The following EPHA5 variants were observed in gnomAD, a reference collection of about 807,000 sequenced individuals.
EPHA5 encodes EPH receptor A5, also known as ephrin type-A receptor 5.
EPHA5 carries 60 observed loss-of-function variants against 105.0 expected under a neutral mutation model. That is an observed-to-expected ratio of 0.57 (90% CI 0.46 to 0.71). EPHA5 has a LOEUF of 0.71. EPHA5 is among the 30% of genes least tolerant of loss of function. The pLI, the probability that EPHA5 is intolerant of heterozygous loss-of-function variation, is 0.00. For synonymous variants in EPHA5, 513 were observed against 449.1 expected (o/e 1.14, Z -1.80); for missense variants, 1,218 against 1,274.7 (o/e 0.96, Z 0.68).
intron 11 of EPHA5, among the ~76,000 whole-genome samples, chr4:65,356,665 G>T (rs1437869351): frequency 2.0e-5 from 3 of 151,414 alleles, no homozygotes; most frequent in Non-Finnish European, 4.4e-5. Flanking sequence ...ACATGATGGG[G>T]GAAAAGCAAT....
chr4:65,667,881 G>A (rs1750087132), intron 1 of EPHA5, among the ~76,000 whole-genome samples: 1 of 152,144 alleles, frequency 6.6e-6, no homozygotes, highest in Non-Finnish European at 1.5e-5. Flanking sequence ...AAACGAGGAT[G>A]CCCCTTTCGG....
At chr4:65,349,199 G>A (rs779142306) in intron 13 of EPHA5, among the ~76,000 whole-genome samples, 24 of 151,956 alleles carry the variant, frequency 1.6e-4, no homozygotes, top group Non-Finnish European at 2.9e-4. Context: ...CTTTTCCTCT[G>A]TTGTCTTATT....
chr4:65,451,018 A>G (rs73222130), intron 5 of EPHA5, among the ~76,000 whole-genome samples: 10,193 of 151,816 alleles, frequency 0.067, 1,158 homozygotes, highest in African/African-American at 0.23. Flanking sequence ...CTTGAACAGG[A>G]AAACCTTATT....
At position 65,565,483 on chromosome 4, in the gene EPHA5, T is replaced by C. The variant is rs1560704554; in HGVS notation, c.910+36158A>G. On this transcript the variant is annotated intron_variant, in intron 3 of 16. Coordinates refer to ENST00000613740, the MANE Select transcript of EPHA5 (RefSeq NM_001281766.3). ...TTTAATAAGAGATTTCCAATAAGGC[T>C]TAAAGTAATTTTTATTTTGCTTGTA... Among the ~76,000 whole-genome samples, 7 of 151,746 alleles carry C rather than the reference T, an allele frequency of 4.6e-5. No homozygotes were observed. The South Asian group carries it at 1.2e-3, about 27-fold the overall frequency.
At chr4:65,593,914 A>G (rs193223279) in intron 3 of EPHA5, among the ~76,000 whole-genome samples, 41 of 152,292 alleles carry the variant, frequency 2.7e-4, no homozygotes, top group African/African-American at 9.9e-4. Context: ...ATTCGCATTC[A>G]TATTTTGAAC....
intron 3 of EPHA5, among the ~76,000 whole-genome samples, chr4:65,556,419 T>C (rs1738447880): frequency 6.6e-6 from 1 of 152,122 alleles, no homozygotes; most frequent in African/African-American, 2.4e-5. Context: ...GTATATAATT[T>C]TTCCTCTCCA....
intron 8 of EPHA5, among the ~76,000 whole-genome samples, chr4:65,380,782 T>A (rs1719482826): frequency 6.6e-6 from 1 of 151,830 alleles, no homozygotes; most frequent in Non-Finnish European, 1.5e-5. Flanking sequence ...GAGCTAGTGT[T>A]CTTATGTGTG....
chr4:65,410,276 C>T (rs941509292), intron 7 of EPHA5, among the ~76,000 whole-genome samples: 2 of 152,120 alleles, frequency 1.3e-5, no homozygotes, highest in Non-Finnish European at 2.9e-5. Context: ...GATCAATCTG[C>T]AGGGAATCAT....
chr4:65,646,113 C>T (rs1299087758), intron 1 of EPHA5, among the ~76,000 whole-genome samples: 3 of 152,078 alleles, frequency 2.0e-5, no homozygotes, highest in Non-Finnish European at 2.9e-5. Context: ...GAATTGCTAA[C>T]GTTTCCTTTG....
chr4:65,560,169 A>G (rs116934396), intron 3 of EPHA5, among the ~76,000 whole-genome samples: 6 of 152,058 alleles, frequency 3.9e-5, no homozygotes, highest in Non-Finnish European at 7.4e-5. Flanking sequence ...TCCAGCAATT[A>G]CTCCCCAACA....
At chr4:65,395,501 A>G (rs1282699186) in intron 8 of EPHA5, among the ~76,000 whole-genome samples, 1 of 152,202 alleles carries the variant, frequency 6.6e-6, no homozygotes, top group Non-Finnish European at 1.5e-5. Flanking sequence ...AAACAATAAA[A>G]CCTACCGTTT....
chr4:65,564,388 A>T (rs1399690124), intron 3 of EPHA5, among the ~76,000 whole-genome samples: 1 of 151,878 alleles, frequency 6.6e-6, no homozygotes, highest in African/African-American at 2.4e-5. Flanking sequence ...ATATTACATT[A>T]GGAGATTGTC....
chr4:65,372,703 T>G (rs944001882), intron 8 of EPHA5, among the ~76,000 whole-genome samples: 12 of 151,884 alleles, frequency 7.9e-5, no homozygotes, highest in Non-Finnish European at 1.5e-5. Context: ...ATCTCACATT[T>G]GATCAAGGGT....
At chr4:65,513,730 T>C (rs935159866) in intron 3 of EPHA5, among the ~76,000 whole-genome samples, 4 of 152,188 alleles carry the variant, frequency 2.6e-5, no homozygotes, top group Admixed American at 6.5e-5. Flanking sequence ...TTTTTTTGTG[T>C]TTTTAAAGTC....
At chr4:65,533,331 C>A (rs1371116268) in intron 3 of EPHA5, among the ~76,000 whole-genome samples, 1 of 151,880 alleles carries the variant, frequency 6.6e-6, no homozygotes, top group South Asian at 2.1e-4. Context: ...TTTATAAAAC[C>A]ATTTTTTTGT....
chr4:65,364,282 A>G (rs938481033), intron 11 of EPHA5, among the ~76,000 whole-genome samples: 3 of 151,680 alleles, frequency 2.0e-5, no homozygotes, highest in African/African-American at 7.2e-5. Context: ...GGAAGGAATC[A>G]GAACACATAG....
chr4:65,325,664 CATT>C (rs1378383768), intron 16 of EPHA5, among the ~76,000 whole-genome samples: 1 of 151,206 alleles, frequency 6.6e-6, no homozygotes, highest in Non-Finnish European at 1.5e-5. Context: ...GAAACAAAAT[CATT>C]ATTATTAATA....
intron 2 of EPHA5, among the ~76,000 whole-genome samples, chr4:65,639,032 A>G (rs948118416): frequency 2.6e-5 from 4 of 152,258 alleles, no homozygotes; most frequent in African/African-American, 9.6e-5. Context: ...TGTGTTTATT[A>G]TTAAAACATG....
intron 3 of EPHA5, among the ~76,000 whole-genome samples, chr4:65,562,543 T>G (rs1325939125): frequency 6.6e-6 from 1 of 152,072 alleles, no homozygotes; most frequent in Non-Finnish European, 1.5e-5. Flanking sequence ...GCAGTTCATA[T>G]AAAAATTCAT....
Sources: gnomAD v4.1 joint callset for allele counts (sites outside exome capture counted in the v4.1 genomes callset) on GRCh38, gnomAD v4.1.1 for gene constraint, MANE v1.5 for transcripts, NCBI Gene and HGNC (gene_info 2026-07-23, HGNC 2026-07-21) for gene names.